The following CCDC7 variants were observed in gnomAD, a reference collection of about 807,000 sequenced individuals.
CCDC7 encodes the protein coiled-coil domain containing 7, also known as coiled-coil domain-containing protein 7.
CCDC7 carries 183 observed loss-of-function variants against 196.9 expected under a neutral mutation model. The observed-to-expected ratio is 0.93, with a 90% CI of 0.82 to 1.05. The LOEUF is 1.05. CCDC7 is among the 50% of genes least tolerant of loss of function. CCDC7 has a pLI of 0.00. For missense variants in CCDC7, 1,540 were observed against 1,482.2 expected (o/e 1.04, Z -0.64); for synonymous variants, 525 against 484.6 (o/e 1.08, Z -1.10).
intron 20 of CCDC7, among the ~76,000 whole-genome samples, chr10:32,642,577 A>G (rs138656787): frequency 2.0e-5 from 3 of 152,288 alleles, no homozygotes; most frequent in African/African-American, 7.2e-5. Context: ...TGACTAGGAA[A>G]AGGAATTCCC....
intron 23 of CCDC7, among the ~76,000 whole-genome samples, chr10:32,689,571 T>C (rs913664681): frequency 6.6e-6 from 1 of 152,072 alleles, no homozygotes; most frequent in Non-Finnish European, 1.5e-5. Flanking sequence ...TAGGGAAAGG[T>C]AACCTAGGAC....
intron 5 of CCDC7, among the ~76,000 whole-genome samples, chr10:32,464,012 A>G (rs1017604584): frequency 3.3e-5 from 5 of 152,042 alleles, no homozygotes; most frequent in Admixed American, 6.6e-5. Flanking sequence ...TCATCTTGTC[A>G]TCTTCTTTTC....
At chr10:32,530,153 A>G (rs1350568789) in intron 11 of CCDC7, among the ~76,000 whole-genome samples, 1 of 152,166 alleles carries the variant, frequency 6.6e-6, no homozygotes, top group East Asian at 1.9e-4. Context: ...TACCAGTACC[A>G]CGCTATTTTG....
intron 30 of CCDC7, among the ~76,000 whole-genome samples, chr10:32,812,872 G>A (rs934135870): frequency 2.0e-5 from 3 of 152,020 alleles, no homozygotes; most frequent in African/African-American, 4.8e-5. Flanking sequence ...AAGAACAAAG[G>A]AAGCTAAAAT....
At chr10:32,777,941 T>TTTTTTC (rs1291215619) in intron 28 of CCDC7, among the ~76,000 whole-genome samples, 12 of 152,228 alleles carry the variant, frequency 7.9e-5, no homozygotes, top group African/African-American at 2.7e-4. Context: ...CTCTGATGAT[T>TTTTTTC]AGTGATGTGG....
chr10:32,485,093 C>G (rs1422572468), intron 8 of CCDC7, among the ~76,000 whole-genome samples: 1 of 152,172 alleles, frequency 6.6e-6, no homozygotes, highest in African/African-American at 2.4e-5. Context: ...CTCCTTGTAC[C>G]TCTGGTAGAA....
intron 29 of CCDC7, among the ~76,000 whole-genome samples, chr10:32,788,703 C>T (rs2082235543): frequency 6.6e-6 from 1 of 152,210 alleles, no homozygotes; most frequent in African/African-American, 2.4e-5. Context: ...GTTCCAGGCT[C>T]ATCCAAGCAC....
At chr10:32,845,548 G>A in exon 35 of CCDC7, 1 of 1,608,998 alleles carries the variant, frequency 6.2e-7, no homozygotes, top group African/African-American at 1.3e-5. Context: ...TATAGAGACT[G>A]ATAAGAACTT....
intron 5 of CCDC7, among the ~76,000 whole-genome samples, chr10:32,470,435 C>T (rs927879593): frequency 6.6e-5 from 10 of 152,130 alleles, no homozygotes; most frequent in South Asian, 4.1e-4. Context: ...TTTGGACACT[C>T]ATTCTTGCTG....
intron 25 of CCDC7, among the ~76,000 whole-genome samples, chr10:32,714,206 C>A (rs1289492907): frequency 1.3e-5 from 2 of 152,120 alleles, no homozygotes; most frequent in African/African-American, 4.8e-5. Flanking sequence ...GTACTCGGTT[C>A]GTCTCATTGG....
intron 13 of CCDC7, among the ~76,000 whole-genome samples, chr10:32,552,590 A>T (rs1159690909): frequency 6.6e-6 from 1 of 152,192 alleles, no homozygotes; most frequent in Non-Finnish European, 1.5e-5. Context: ...AGCTCATTTT[A>T]GCAGTTCTTG....
intron 21 of CCDC7, among the ~76,000 whole-genome samples, chr10:32,670,587 T>C (rs1183705559): frequency 7.7e-6 from 1 of 130,306 alleles, no homozygotes; most frequent in Non-Finnish European, 1.5e-5. Context: ...TTCCCCTTCC[T>C]GTGTCCATGT....
At chr10:32,807,853 C>T (rs945040566) in intron 30 of CCDC7, among the ~76,000 whole-genome samples, 1 of 152,020 alleles carries the variant, frequency 6.6e-6, no homozygotes, top group African/African-American at 2.4e-5. Context: ...GTCTTAGCCT[C>T]CCAAGTAGCT....
exon 1 of CCDC7, chr10:32,451,696 A>C: frequency 6.2e-7 from 1 of 1,613,494 alleles, no homozygotes; most frequent in South Asian, 1.1e-5. Context: ...CAAATGTTCC[A>C]GCATTAACTA....
At chr10:32,873,278 A>G (rs574421588) in intron 41 of CCDC7, among the ~76,000 whole-genome samples, 1 of 151,666 alleles carries the variant, frequency 6.6e-6, no homozygotes, top group African/African-American at 2.4e-5. Context: ...GCTTCTTTTT[A>G]TTCATTTGAT....
Position 32,824,930 on chromosome 10 carries a change from G to A in CCDC7, c.3268+326G>A, listed in dbSNP as rs990230157. ...TGTATTTGCAAAAGCAGAATTGCTA[G>A]CTTATGAACATGATAACAAGATGAA... is the stretch of plus-strand genomic sequence containing the variant. On this transcript the variant is annotated intron_variant, in intron 32 of 41. Transcript: ENST00000639629. Among the ~76,000 whole-genome samples, 9 of 152,202 alleles carry A rather than the reference G, an allele frequency of 5.9e-5. No homozygotes were observed. The South Asian group carries it at 6.2e-4, about 11-fold the overall frequency.
At chr10:32,729,395 T>C in exon 28 of CCDC7, 1 of 1,519,628 alleles carries the variant, frequency 6.6e-7, no homozygotes, top group Non-Finnish European at 9.0e-7. Context: ...GAGGAGAAAG[T>C]TTTATTATCA....
intron 13 of CCDC7, among the ~76,000 whole-genome samples, chr10:32,563,869 C>T (rs2056263624): frequency 6.6e-6 from 1 of 151,776 alleles, no homozygotes; most frequent in Non-Finnish European, 1.5e-5. Flanking sequence ...AGGCAACCTA[C>T]AAAATGGGAG....
At chr10:32,627,193 T>C (rs192252560) in intron 18 of CCDC7, among the ~76,000 whole-genome samples, 49 of 152,106 alleles carry the variant, frequency 3.2e-4, no homozygotes, top group African/African-American at 9.6e-4. Context: ...ATTTGTGTCT[T>C]CAATTTCTTT....
Sources: gnomAD v4.1 joint callset for allele counts (sites outside exome capture counted in the v4.1 genomes callset) on GRCh38, gnomAD v4.1.1 for gene constraint, MANE v1.5 for transcripts, NCBI Gene and HGNC (gene_info 2026-07-23, HGNC 2026-07-21) for gene names.